The following GGNBP2 variants were observed in gnomAD, a reference collection of about 807,000 sequenced individuals.
GGNBP2 encodes gametogenetin-binding protein 2.
In GGNBP2, 10 loss-of-function variants were observed where a neutral mutation model predicts 85.9. The observed-to-expected ratio is 0.12, with a 90% CI of 0.07 to 0.20. GGNBP2 has a LOEUF of 0.20. GGNBP2 is among the 10% of genes least tolerant of loss of function. The probability of loss-of-function intolerance (pLI) is 1.00; values close to 1 mark genes in which losing one functional copy is unlikely to be tolerated. For synonymous variants in GGNBP2, 287 were observed against 285.7 expected (o/e 1.00, Z -0.05); for missense variants, 595 against 857.8 (o/e 0.69, Z 3.83).
intron 2 of GGNBP2, chr17:36,547,203 T>C (rs111461396): frequency 3.0e-4 from 45 of 152,330 alleles, no homozygotes; most frequent in African/African-American, 1.1e-3. Context: ...AGCACTGTGA[T>C]CATATTAAAT....
At chr17:36,585,752 A>AT in intron 10 of GGNBP2, 88 bp from the exon 11 acceptor site, 1 of 1,172,180 alleles carries the variant, frequency 8.5e-7, no homozygotes, top group African/African-American at 1.6e-5. Flanking sequence ...TAATTATGAG[A>AT]TTTTTCTGTG....
intron 2 of GGNBP2, among the ~76,000 whole-genome samples, chr17:36,550,510 T>C (rs1364413428): frequency 6.6e-6 from 1 of 152,228 alleles, no homozygotes; most frequent in Admixed American, 6.5e-5. Context: ...CTGAGGGTGA[T>C]AGATGTTACA....
At chr17:36,570,438 G>A (rs999749829) in intron 6 of GGNBP2, among the ~76,000 whole-genome samples, 1 of 152,044 alleles carries the variant, frequency 6.6e-6, no homozygotes, top group Non-Finnish European at 1.5e-5. Context: ...AGTGGCTCAT[G>A]CCTGTAATCC....
rs1205977089 is a variant in GGNBP2, at chr17:36,579,393, G to A, written c.994G>A (p.Val332Ile). The A allele has an allele frequency of 6.2e-7, 1 of 1,614,100 alleles. No homozygotes were observed. Among genetic ancestry groups the A allele is most frequent in the African/African-American group, 1.3e-5 (1 of 74,942 alleles). The change falls in exon 8 of 14, where the codon GTT becomes ATT. Residue 332 changes from valine to isoleucine, a missense_variant. Transcript: ENST00000613102. ...ATGGCAGATGCTTTTCTATCTTGGTGTTGATGCTTTACGCAAGAGTTTTGA... is the reference window on the plus strand; with the variant it reads ...ATGGCAGATGCTTTTCTATCTTGGTATTGATGCTTTACGCAAGAGTTTTGA... ...QTWQMLFYLG[V>I]DALRKSFEMT... is the part of the protein sequence containing the mutation.
rs1385321687 is a variant in GGNBP2 at position 36,561,663 on chromosome 17, G to A, written c.527+792G>A. ...TTTTTGAGATGGAGTCTCCTCTGTC[G>A]CCCAGGCTGGAGTGCAGTGGCGTCA... is the stretch of plus-strand genomic sequence containing the variant. On this transcript the variant is annotated intron_variant, in intron 5 of 13. Transcript: ENST00000613102. Among the ~76,000 whole-genome samples, 11 of 150,810 alleles carry A rather than the reference G, an allele frequency of 7.3e-5. No homozygotes were observed. The South Asian group carries it at 8.4e-4, about 12-fold the overall frequency.
At chr17:36,581,626 TC>T in intron 9 of GGNBP2, 88 bp downstream of exon 9, 1 of 978,192 alleles carries the variant, frequency 1.0e-6, no homozygotes, top group Non-Finnish European at 1.5e-6. Context: ...ACGCCTGTGA[TC>T]CCAGCACTTT....
At chr17:36,572,022 G>T (rs1325894779) in intron 6 of GGNBP2, among the ~76,000 whole-genome samples, 1 of 151,882 alleles carries the variant, frequency 6.6e-6, no homozygotes, top group Non-Finnish European at 1.5e-5. Context: ...CTGCACTTCA[G>T]CCTGGGTGAC....
At chr17:36,560,099 G>A (rs751587367) in intron 4 of GGNBP2, among the ~76,000 whole-genome samples, 3 of 152,018 alleles carry the variant, frequency 2.0e-5, no homozygotes, top group African/African-American at 4.8e-5. Context: ...GGGATTACAG[G>A]TGTGAGCCAC....
chr17:36,587,370 T>C, intron 13 of GGNBP2, 125 bp downstream of exon 13: 1 of 1,007,566 alleles, frequency 9.9e-7, no homozygotes, highest in Non-Finnish European at 1.5e-6. Flanking sequence ...AAGGGTAGTA[T>C]TTCATTATTG....
At chr17:36,585,707 C>T in intron 10 of GGNBP2, 133 bp from the exon 11 acceptor site, 2 of 742,764 alleles carry the variant, frequency 2.7e-6, no homozygotes, top group East Asian at 2.9e-5. Context: ...AAAAAAAAAT[C>T]CTTCATTGGA....
At chr17:36,548,596 C>G (rs2074276393) in intron 2 of GGNBP2, among the ~76,000 whole-genome samples, 1 of 88,526 alleles carries the variant, frequency 1.1e-5, no homozygotes, top group Admixed American at 1.8e-4. Context: ...GCCTGGGCAA[C>G]AAGAGCAAGA....
At chr17:36,579,696 T>C (rs1442302496) in intron 8 of GGNBP2, among the ~76,000 whole-genome samples, 1 of 152,196 alleles carries the variant, frequency 6.6e-6, no homozygotes, top group African/African-American at 2.4e-5. Flanking sequence ...TGAAGATGTT[T>C]AATAAGATGC....
chr17:36,585,532 G>C, intron 10 of GGNBP2, 82 bp downstream of exon 10: 7 of 1,001,790 alleles, frequency 7.0e-6, no homozygotes, highest in Non-Finnish European at 1.0e-5. Context: ...TAGAGATTCT[G>C]TGAGCTAGAA....
intron 3 of GGNBP2, among the ~76,000 whole-genome samples, chr17:36,556,117 A>G (rs1192416012): frequency 2.0e-5 from 3 of 152,216 alleles, no homozygotes; most frequent in Non-Finnish European, 4.4e-5. Context: ...AGTTAACTAT[A>G]ACTCCATCAG....
In GGNBP2 at chr17:36,587,236, T is replaced by C. The variant is rs1353364415; in HGVS notation, c.1881T>C (p.Val627=). The stretch of plus-strand genomic sequence containing the variant: ...CCGGAAAAGGTGCCAAGAGCTTAGT[T>C]GAACTCCTTGTAAGTATTCCATGTG... ...PDSGKGAKSL[V]ELLDESECTS... Residue 627 remains valine (V), a synonymous_variant, in exon 13 of 14, where the codon GTT becomes GTC. Transcript: ENST00000613102. 1 of 1,614,030 alleles carries C rather than the reference T, an allele frequency of 6.2e-7. No homozygotes were observed. The highest frequency in any genetic ancestry group is 8.5e-7 in the Non-Finnish European group (1 of 1,180,032).
At chr17:36,545,119 C>A (rs1405253689) in intron 1 of GGNBP2, 22 bp downstream of exon 1, 1 of 153,022 alleles carries the variant, frequency 6.5e-6, no homozygotes, top group Non-Finnish European at 1.5e-5. Context: ...GTCTGAGCCT[C>A]CCCGTTCCCT....
At chr17:36,588,382 C>T (rs1486659126) in intron 13 of GGNBP2, among the ~76,000 whole-genome samples, 6 of 152,148 alleles carry the variant, frequency 3.9e-5, no homozygotes, top group East Asian at 1.9e-4. Flanking sequence ...TTCAGCCTCC[C>T]GAGTAGCTGG....
intron 6 of GGNBP2, chr17:36,576,584 A>AAATAT (rs1567830323): frequency 6.4e-5 from 3 of 47,146 alleles, no homozygotes; most frequent in African/African-American, 1.2e-4. Flanking sequence ...AAAAAAAAAA[A>AAATAT]ATATATATAT....
intron 6 of GGNBP2, among the ~76,000 whole-genome samples, chr17:36,568,902 C>T (rs2074495233): frequency 6.6e-6 from 1 of 151,944 alleles, no homozygotes; most frequent in Non-Finnish European, 1.5e-5. Flanking sequence ...ATTACAGGCA[C>T]ATACCACTGT....
Sources: gnomAD v4.1 joint callset for allele counts (sites outside exome capture counted in the v4.1 genomes callset) on GRCh38, gnomAD v4.1.1 for gene constraint, MANE v1.5 for transcripts, NCBI Gene and HGNC (gene_info 2026-07-23, HGNC 2026-07-21) for gene names.